Variants in EME1 observed in about 807,000 individuals in gnomAD.
EME1 encodes the protein essential meiotic structure-specific endonuclease 1.
EME1 carries 61 observed loss-of-function variants against 59.1 expected under a neutral mutation model. The observed-to-expected ratio is 1.03, with a 90% confidence interval of 0.84 to 1.28. The LOEUF (loss-of-function observed/expected upper bound fraction) is 1.28, where lower values mean the gene tolerates loss of function less well. Ranked by LOEUF, EME1 falls within the 50% of genes most tolerant of loss-of-function variation. The pLI, the probability that EME1 is intolerant of heterozygous loss-of-function variation, is 0.00. For missense variants in EME1, 635 were observed against 682.6 expected (o/e 0.93, Z 0.78); for synonymous variants, 230 against 254.2 (o/e 0.90, Z 0.90).
chr17:50,380,853 C>T lies in EME1; in HGVS notation c.1627C>T (p.Arg543Cys), dbSNP rs150098713. 4.6e-5 allele frequency: 74 copies of T among 1,614,202 alleles called. No homozygotes were observed. In the African/African-American group the frequency reaches 8.1e-4, roughly 18 times the overall value. The change falls in exon 9 of 9, where the codon CGC (arginine) becomes TGC (cysteine). Residue 543 changes from arginine (R) to cysteine (C), a missense_variant. By Grantham distance (180) the Arg-to-Cys change is radical. Coordinates refer to ENST00000338165, the MANE Select transcript of EME1 (RefSeq NM_152463.4). The stretch of plus-strand genomic sequence containing the variant: ...TGGGGAAGGTGTGACATCCACTTCT[C>T]GCCGCATTGGACCAGAACTATCCAG... ...RRGEGVTSTSRRIGPELSRRI... is the reference protein window; with the variant it reads ...RRGEGVTSTSCRIGPELSRRI...
rs769718590 is a variant in EME1, at chr17:50,375,985, T to C, written c.775+2T>C. ...ACATCATTGTAGTGCTGGATCCAGG[T>C]CCTCACATGTGTCTTTGTCCTGTGC... On this transcript the variant is annotated splice_donor_variant, in intron 2 of 8. Transcript: ENST00000338165. LOFTEE classifies it high-confidence loss of function. 1.9e-6 allele frequency: 3 copies of C among 1,605,270 alleles called. No homozygotes were observed. Among genetic ancestry groups the C allele is most frequent in the African/African-American group, 2.7e-5 (2 of 74,724 alleles).
intron 6 of EME1, 105 bp downstream of exon 6, chr17:50,379,329 G>A: frequency 8.2e-6 from 13 of 1,590,562 alleles, no homozygotes; most frequent in Middle Eastern, 3.4e-4. Flanking sequence ...TTCTGCCTTG[G>A]CACTGACTAA....
At chr17:50,376,010 CTGAGT>C (rs773435880) in intron 2 of EME1, 27 bp downstream of exon 2, 18 of 1,606,652 alleles carry the variant, frequency 1.1e-5, no homozygotes, top group Admixed American at 3.3e-5. Flanking sequence ...TTGTCCTGTG[CTGAGT>C]TATCTGCGTT....
At position 50,380,551 on chromosome 17, in the gene EME1, G is replaced by A. The variant is rs769982047; in HGVS notation, c.1536+50G>A. ...TCACTGCCCATTGCCTGCGGGCTCA[G>A]TGGGCCCCCAGATTTCCATGGACAA... On this transcript the variant is annotated intron_variant, in intron 8 of 8. Coordinates refer to ENST00000338165, the MANE Select transcript of EME1 (RefSeq NM_152463.4). 8.2e-6 allele frequency: 13 copies of A among 1,594,580 alleles called. No homozygotes were observed. In the East Asian group the frequency reaches 2.2e-4, roughly 27 times the overall value.
chr17:50,376,033 C>A, intron 2 of EME1, 33 bp from the exon 3 acceptor site: 2 of 1,609,114 alleles, frequency 1.2e-6, no homozygotes, highest in Non-Finnish European at 1.7e-6. Flanking sequence ...GTTCTGGACC[C>A]CCCACTGACA....
At chr17:50,380,719 C>A in intron 8 of EME1, 44 bp from the exon 9 acceptor site, 1 of 1,610,292 alleles carries the variant, frequency 6.2e-7, no homozygotes, top group South Asian at 1.1e-5. Flanking sequence ...GAGAAGGGAT[C>A]ACCATGGATG....
intron 8 of EME1, 107 bp from the exon 9 acceptor site, chr17:50,380,656 G>C: frequency 6.4e-7 from 1 of 1,551,036 alleles, no homozygotes; most frequent in Non-Finnish European, 8.8e-7. Context: ...GACCCAGGGA[G>C]GGAGGACAGG....
chr17:50,375,279 C>G lies in EME1; in HGVS notation c.71C>G (p.Ala24Gly). Residue 24 changes from alanine (A) to glycine (G), a missense_variant, in exon 2 of 9, where the codon GCC becomes GGC. Ala to Gly is a moderately conservative substitution (Grantham distance 60). Coordinates refer to ENST00000338165, the MANE Select transcript of EME1 (RefSeq NM_152463.4). ...GACTCTGAGGAGTTGCCAACATTTGCCTTTCTGAAGAAGGAACCATCTTCA... is the reference window on the plus strand; with the variant it reads ...GACTCTGAGGAGTTGCCAACATTTGGCTTTCTGAAGAAGGAACCATCTTCA... ...DSDSEELPTF[A>G]FLKKEPSSTK... 6.2e-6 allele frequency: 10 copies of G among 1,614,134 alleles called. No homozygotes were observed. Among genetic ancestry groups the G allele is most frequent in the Non-Finnish European group, 7.6e-6 (9 of 1,180,034 alleles).
Position 50,379,192 on chromosome 17 carries a change from G to C in EME1, c.1198G>C (p.Gly400Arg). Residue 400 changes from glycine (G) to arginine (R), a missense_variant, in exon 6 of 9, where the codon GGG becomes CGG. Transcript: ENST00000338165. ...QQQRQPEASIGSMVSRVDAEE... is the reference protein window; with the variant it reads ...QQQRQPEASIRSMVSRVDAEE... The stretch of plus-strand genomic sequence containing the variant: ...GCAGAGACAACCAGAGGCCAGCATA[G>C]GGTCCATGGTATCCAGGGTAGACGC... The C allele has an allele frequency of 2.5e-6, 4 of 1,614,174 alleles. No homozygotes were observed. Among genetic ancestry groups the C allele is most frequent in the Non-Finnish European group, 3.4e-6 (4 of 1,180,024 alleles).
At chr17:50,380,563 A>T in intron 8 of EME1, 62 bp downstream of exon 8, 1 of 1,584,840 alleles carries the variant, frequency 6.3e-7, no homozygotes, top group Non-Finnish European at 8.6e-7. Context: ...GGGCCCCCAG[A>T]TTTCCATGGA....
Position 50,380,840 on chromosome 17 carries a change from G to A in EME1, c.1614G>A (p.Val538=). 1 of 1,614,190 alleles carries A rather than the reference G, an allele frequency of 6.2e-7. No individual in the cohort carries two copies. The highest frequency in any genetic ancestry group is 8.5e-7 in the Non-Finnish European group (1 of 1,180,042). ...ADIQVRRGEG[V]TSTSRRIGPE... ...TACAGGTGCGCCGTGGGGAAGGTGT[G>A]ACATCCACTTCTCGCCGCATTGGAC... The change falls in exon 9 of 9, where the codon GTG becomes GTA. Residue 538 remains valine (V), a synonymous_variant. Coordinates refer to ENST00000338165, the MANE Select transcript of EME1 (RefSeq NM_152463.4).
chr17:50,380,766 T>C lies in EME1; in HGVS notation c.1540T>C (p.Tyr514His), dbSNP rs1299274528. ...YPSPQLLVQA[Y>H]QQCFSDKERQ... is the part of the protein sequence containing the mutation. ...AGAGGTCATCTACCACTTCCAGGCT[T>C]ATCAGCAGTGTTTTTCGGATAAAGA... The change falls in exon 9 of 9, where the codon TAT becomes CAT. Residue 514 changes from tyrosine to histidine, a missense_variant. Tyr to His is a moderately conservative substitution (Grantham distance 83). Transcript: ENST00000338165. The C allele has an allele frequency of 1.9e-6, 3 of 1,614,056 alleles. No individual in the cohort carries two copies. Among genetic ancestry groups the C allele is most frequent in the South Asian group, 1.1e-5 (1 of 91,074 alleles).
chr17:50,381,008 A>C lies in EME1; in HGVS notation c.*69A>C. On this transcript the variant is annotated 3_prime_UTR_variant, in exon 9 of 9. Transcript: ENST00000338165. ...TTCCCCAACCTCAGAGCCTGACTGT[A>C]ATGAAGAGACTGGCAGCACCTCCTG... 6.4e-7 allele frequency: 1 copy of C among 1,557,098 alleles called. No homozygotes were observed. The highest frequency in any genetic ancestry group is 1.1e-5 in the South Asian group (1 of 88,744).
chr17:50,375,841 C>G lies in EME1; in HGVS notation c.633C>G (p.His211Gln), dbSNP rs141753068. Residue 211 changes from histidine (H) to glutamine (Q), a missense_variant, in exon 2 of 9, where the codon CAC (histidine) becomes CAG (glutamine). Physicochemically the swap from His to Gln is conservative, Grantham distance 24 (BLOSUM62 0). Transcript: ENST00000338165. ...PSQKVQGRGSHGCRQQRQARQ... is the reference protein window; with the variant it reads ...PSQKVQGRGSQGCRQQRQARQ... ...AGAAGGTCCAGGGAAGAGGCTCACA[C>G]GGATGCCGGCAGCAGAGACAAGCAA... The G allele has an allele frequency of 6.2e-7, 1 of 1,614,030 alleles. No individual in the cohort carries two copies. Among genetic ancestry groups the G allele is most frequent in the Admixed American group, 1.7e-5 (1 of 59,996 alleles).
intron 1 of EME1, among the ~76,000 whole-genome samples, chr17:50,374,842 TC>T (rs1299750678): frequency 6.7e-6 from 1 of 148,662 alleles, no homozygotes; most frequent in African/African-American, 2.5e-5. Context: ...AGACTCCATC[TC>T]AAAAAAAAAA....
At chr17:50,374,396 C>T (rs1421663377) in intron 1 of EME1, among the ~76,000 whole-genome samples, 1 of 152,142 alleles carries the variant, frequency 6.6e-6, no homozygotes, top group East Asian at 1.9e-4. Context: ...AGCCACCATA[C>T]CCAGCTAATT....
At position 50,380,485 on chromosome 17, in the gene EME1, C is replaced by G; in HGVS notation, c.1520C>G (p.Pro507Arg). The stretch of plus-strand genomic sequence containing the variant: ...GCAGTTGTGAATGCCTATCCCTCCC[C>G]ACAGCTCCTGGTACAGGTATGCTGC... ...ASAVVNAYPS[P>R]QLLVQAYQQC... The change falls in exon 8 of 9, where the codon CCA (proline) becomes CGA (arginine). Residue 507 changes from proline (P) to arginine (R), a missense_variant. By Grantham distance (103) the Pro-to-Arg change is moderately radical (BLOSUM62 -2). Coordinates refer to ENST00000338165, the MANE Select transcript of EME1 (RefSeq NM_152463.4). 1.9e-6 allele frequency: 3 copies of G among 1,613,902 alleles called. No individual in the cohort carries two copies. Among genetic ancestry groups the G allele is most frequent in the South Asian group, 2.2e-5 (2 of 91,058 alleles).
intron 1 of EME1, 62 bp downstream of exon 1, chr17:50,373,339 G>T: frequency 1.1e-6 from 1 of 874,418 alleles, no homozygotes; most frequent in Non-Finnish European, 1.8e-6. Flanking sequence ...ACACCGCTCT[G>T]CAGAATCTTG....
At position 50,381,002 on chromosome 17, in the gene EME1, G is replaced by A. The variant is rs966690804; in HGVS notation, c.*63G>A. ...TTCCACTTCCCCAACCTCAGAGCCT[G>A]ACTGTAATGAAGAGACTGGCAGCAC... On this transcript the variant is annotated 3_prime_UTR_variant, in exon 9 of 9. Transcript: ENST00000338165. The A allele has an allele frequency of 1.9e-6, 3 of 1,580,900 alleles. No homozygotes were observed. The highest frequency in any genetic ancestry group is 2.6e-6 in the Non-Finnish European group (3 of 1,155,196).
Sources: allele counts gnomAD v4.1 joint callset (sites outside exome capture counted in the v4.1 genomes callset), GRCh38; gene constraint gnomAD v4.1.1; transcripts MANE v1.5; gene names NCBI Gene and HGNC (gene_info 2026-07-23, HGNC 2026-07-21).